The following CFAP57 variants were observed in gnomAD, a reference collection of about 807,000 sequenced individuals.
CFAP57 encodes the protein cilia- and flagella-associated protein 57.
In CFAP57, 116 loss-of-function variants were observed where a neutral mutation model predicts 146.8. The observed-to-expected ratio is 0.79, with a 90% CI of 0.68 to 0.92. CFAP57 has a LOEUF of 0.92. Among genes scored for constraint, CFAP57 ranks in the 40% least tolerant of loss-of-function variants. The probability of loss-of-function intolerance (pLI) is 0.00; values close to 1 mark genes in which losing one functional copy is unlikely to be tolerated. For synonymous variants in CFAP57, 518 were observed against 552.8 expected (o/e 0.94, Z 0.88); for missense variants, 1,377 against 1,527.2 (o/e 0.90, Z 1.64).
chr1:43,211,177 G>A (rs1471696918), intron 11 of CFAP57, among the ~76,000 whole-genome samples: 1 of 152,174 alleles, frequency 6.6e-6, no homozygotes, highest in East Asian at 1.9e-4. Context: ...TGGGTCCAAA[G>A]TAAATTACTA....
intron 21 of CFAP57, among the ~76,000 whole-genome samples, chr1:43,235,528 C>G (rs1397401592): frequency 6.6e-6 from 1 of 152,194 alleles, no homozygotes; most frequent in Admixed American, 6.5e-5. Flanking sequence ...CCAGTTCATA[C>G]ACAGCTGGGC....
At chr1:43,174,314 C>T (rs1645088208) in intron 2 of CFAP57, among the ~76,000 whole-genome samples, 1 of 152,100 alleles carries the variant, frequency 6.6e-6, no homozygotes, top group Non-Finnish European at 1.5e-5. Context: ...TTGGAATAAG[C>T]TGTATTAAAT....
chr1:43,223,064 G>T, intron 16 of CFAP57, 67 bp downstream of exon 16: 1 of 1,481,530 alleles, frequency 6.7e-7, no homozygotes, highest in South Asian at 1.4e-5. Flanking sequence ...GGGGTGGGTG[G>T]ACTGACCGGC....
chr1:43,232,140 G>T, intron 18 of CFAP57: 1 of 697,770 alleles, frequency 1.4e-6, no homozygotes, highest in Non-Finnish European at 2.6e-6. Context: ...TGAGGAAGGT[G>T]CTTCTCTGGG....
At chr1:43,210,199 C>G (rs1644542625) in intron 11 of CFAP57, 1 of 1,527,824 alleles carries the variant, frequency 6.5e-7, no homozygotes, top group East Asian at 2.4e-5. Flanking sequence ...GATGCCGTAG[C>G]TGCCGTGAGT....
intron 18 of CFAP57, among the ~76,000 whole-genome samples, chr1:43,227,649 C>T (rs78847113): frequency 0.013 from 2,036 of 152,192 alleles, 36 homozygotes; most frequent in African/African-American, 0.041. Context: ...GGTAGAGAGG[C>T]GAGATTAGAA....
intron 6 of CFAP57, chr1:43,194,633 C>A (rs149489330): frequency 6.6e-6 from 1 of 152,102 alleles, no homozygotes; most frequent in Non-Finnish European, 1.5e-5. Context: ...CTGTAAATTT[C>A]TAATTCTTTT....
In CFAP57 at chr1:43,223,700, G is replaced by T. The variant is rs75673162; in HGVS notation, c.2707-346G>T. ...GCCCACTTTCTGTGACCTTGATGCA[G>T]TGTGGATCCCAGCTTTTCAAGATCA... is the stretch of plus-strand genomic sequence containing the variant. On this transcript the variant is annotated intron_variant, in intron 16 of 22. Transcript: ENST00000372492. 6.9e-3 allele frequency among the ~76,000 whole-genome samples: 1,045 copies of T among 152,306 alleles called. 13 individuals are homozygous for T. Among genetic ancestry groups the T allele is most frequent in the African/African-American group, 0.024 (996 of 41,546 alleles).
intron 21 of CFAP57, 47 bp from the exon 22 acceptor site, chr1:43,243,180 G>T: frequency 6.5e-7 from 1 of 1,542,328 alleles, no homozygotes; most frequent in South Asian, 1.2e-5. Flanking sequence ...TGTGCCCACT[G>T]ACCACTCATC....
intron 4 of CFAP57, 34 bp from the exon 5 acceptor site, chr1:43,185,115 C>G (rs370671943): frequency 1.2e-5 from 20 of 1,608,564 alleles, no homozygotes; most frequent in Non-Finnish European, 1.7e-5. Flanking sequence ...AAGATTGTCT[C>G]TATAAATTAT....
intron 6 of CFAP57, 56 bp from the exon 7 acceptor site, chr1:43,197,497 T>C (rs888464289): frequency 6.2e-7 from 1 of 1,612,678 alleles, no homozygotes; most frequent in Non-Finnish European, 8.5e-7. Context: ...AGAGCTGACA[T>C]GTACAGCCAG....
chr1:43,200,365 T>A (rs61775865), intron 9 of CFAP57, among the ~76,000 whole-genome samples: 4,839 of 151,468 alleles, frequency 0.032, 115 homozygotes, highest in Non-Finnish European at 0.042. Context: ...CACACACCTG[T>A]GGTCCCAGTT....
chr1:43,236,911 C>CA (rs895677542), intron 21 of CFAP57, among the ~76,000 whole-genome samples: 4 of 88,442 alleles, frequency 4.5e-5, no homozygotes, highest in East Asian at 6.0e-4. Context: ...TCCATCCCCC[C>CA]CCAAAAAAAA....
rs192935258 is a variant in CFAP57, at chr1:43,217,682, C to A, written c.2092-1700C>A. Among the ~76,000 whole-genome samples, 7 of 152,258 alleles carry A rather than the reference C, an allele frequency of 4.6e-5. No individual in the cohort carries two copies. In the East Asian group the frequency reaches 1.4e-3, roughly 29 times the overall value. On this transcript the variant is annotated intron_variant, in intron 12 of 22. Transcript: ENST00000372492. The stretch of plus-strand genomic sequence containing the variant: ...TCCCCTTCCCTACCTCAGTCCAAAC[C>A]CTGTCTGTCTCTCGCCTGGTCTATG...
chr1:43,224,519 G>A lies in CFAP57; in HGVS notation c.2865+315G>A, dbSNP rs78921064. Among the ~76,000 whole-genome samples the A allele has an allele frequency of 1.4e-4, 22 of 152,304 alleles. No homozygotes were observed. In the East Asian group the frequency reaches 3.5e-3, roughly 24 times the overall value. ...TAGGTGACAGGCTGCAATAAGAACC[G>A]AGTCAGCTGACTCCACTGCTCCAGG... On this transcript the variant is annotated intron_variant, in intron 17 of 22. Transcript: ENST00000372492.
chr1:43,232,446 T>C, intron 18 of CFAP57, 62 bp from the exon 19 acceptor site: 1 of 1,416,492 alleles, frequency 7.1e-7, no homozygotes, highest in Admixed American at 2.0e-5. Flanking sequence ...ACTACAGTTC[T>C]CAAATACAGT....
intron 21 of CFAP57, among the ~76,000 whole-genome samples, chr1:43,241,423 G>A (rs766980468): frequency 6.6e-5 from 10 of 151,812 alleles, no homozygotes; most frequent in Non-Finnish European, 1.0e-4. Flanking sequence ...GAATCATTGC[G>A]GTGTCTCTAG....
chr1:43,228,232 T>C (rs768065904), intron 18 of CFAP57, among the ~76,000 whole-genome samples: 2 of 152,212 alleles, frequency 1.3e-5, no homozygotes, highest in African/African-American at 2.4e-5. Context: ...CCCACTGACT[T>C]TCTGACAGTT....
At chr1:43,185,673 C>G (rs2124316872) in intron 5 of CFAP57, among the ~76,000 whole-genome samples, 1 of 102,434 alleles carries the variant, frequency 9.8e-6, no homozygotes, top group Admixed American at 1.1e-4. Context: ...GAAACCCCAT[C>G]TCTACAAAAA....
Sources: gnomAD v4.1 joint callset for allele counts (sites outside exome capture counted in the v4.1 genomes callset) on GRCh38, gnomAD v4.1.1 for gene constraint, MANE v1.5 for transcripts, NCBI Gene and HGNC (gene_info 2026-07-23, HGNC 2026-07-21) for gene names.